CDH18: variants seen among roughly 807,000 people sequenced by gnomAD.
CDH18 encodes cadherin 18.
Under a neutral mutation model 67.9 loss-of-function variants are expected in CDH18, and 31 were observed. The observed-to-expected ratio is 0.46, with a 90% CI of 0.34 to 0.62. CDH18 has a LOEUF of 0.62. CDH18 is among the 20% of genes least tolerant of loss of function. The pLI is 0.01. For synonymous variants in CDH18, 362 were observed against 347.2 expected, an observed-to-expected ratio of 1.04 and a Z score of -0.48; for missense variants, 890 against 975.5, an observed-to-expected ratio of 0.91 and a Z score of 1.17.
intron 6 of CDH18, among the ~76,000 whole-genome samples, chr5:19,596,071 T>C (rs1746117303): frequency 6.6e-6 from 1 of 152,162 alleles, no homozygotes; most frequent in African/African-American, 2.4e-5. Flanking sequence ...TGGTGAAGGG[T>C]AGGCAGTTTT....
chr5:20,352,507 C>T (rs897891727), intron 1 of CDH18, among the ~76,000 whole-genome samples: 17 of 151,192 alleles, frequency 1.1e-4, no homozygotes, highest in African/African-American at 4.1e-4. Flanking sequence ...TGGACAGACA[C>T]GGGTGGCTCA....
intron 2 of CDH18, among the ~76,000 whole-genome samples, chr5:20,198,391 T>C (rs1025003247): frequency 6.6e-6 from 1 of 152,036 alleles, no homozygotes; most frequent in Non-Finnish European, 1.5e-5. Context: ...TTGTTGGGAA[T>C]TGGAGGAAAG....
intron 1 of CDH18, among the ~76,000 whole-genome samples, chr5:20,329,280 T>C (rs1008456945): frequency 6.6e-6 from 1 of 152,200 alleles, no homozygotes; most frequent in Non-Finnish European, 1.5e-5. Context: ...TATTGATCTA[T>C]TTCTTTTGAA....
intron 9 of CDH18, among the ~76,000 whole-genome samples, chr5:19,527,901 ATAT>A (rs909931789): frequency 2.6e-5 from 4 of 151,720 alleles, no homozygotes; most frequent in African/African-American, 9.7e-5. Flanking sequence ...TATATCATTA[ATAT>A]TATTACCTGA....
intron 4 of CDH18, among the ~76,000 whole-genome samples, chr5:19,733,019 G>A (rs190064528): frequency 3.3e-4 from 50 of 152,218 alleles, no homozygotes; most frequent in Non-Finnish European, 6.8e-4. Flanking sequence ...CCTGTCAGCA[G>A]GGAGTAGCTA....
chr5:20,079,247 A>G (rs969187616), intron 2 of CDH18, among the ~76,000 whole-genome samples: 1 of 152,028 alleles, frequency 6.6e-6, no homozygotes, highest in African/African-American at 2.4e-5. Flanking sequence ...CCTGGTAACC[A>G]CCATTCTACT....
chr5:19,710,878 A>G (rs372515730), intron 5 of CDH18, among the ~76,000 whole-genome samples: 6 of 152,236 alleles, frequency 3.9e-5, no homozygotes, highest in East Asian at 1.9e-4. Flanking sequence ...ATAACCAAAC[A>G]GCATAGTACT....
chr5:20,433,010 G>GTA lies in CDH18; in HGVS notation c.-580+142450_-580+142451dup, dbSNP rs567070871. 1.8e-3 allele frequency among the ~76,000 whole-genome samples: 274 copies of GTA among 148,206 alleles called. 2 individuals are homozygous for GTA. The highest frequency in any genetic ancestry group is 0.014 in the East Asian group (72 of 5,110). ...TATGTATACTATTTAGTCATTGTGT[G>GTA]TATATATATATATAAAATACATAAT... is the stretch of plus-strand genomic sequence containing the variant. On this transcript the variant is annotated intron_variant, in intron 1 of 14. Coordinates refer to the CDH18 transcript ENST00000507958.
intron 2 of CDH18, among the ~76,000 whole-genome samples, chr5:19,877,632 A>T (rs2150045143): frequency 6.6e-6 from 1 of 152,302 alleles, no homozygotes; most frequent in East Asian, 1.9e-4. Flanking sequence ...TTGAAAAAAT[A>T]GAACTGGTCC....
At chr5:20,064,998 AT>A (rs1299149328) in intron 2 of CDH18, among the ~76,000 whole-genome samples, 1 of 152,114 alleles carries the variant, frequency 6.6e-6, no homozygotes, top group East Asian at 1.9e-4. Context: ...GGTCTTTGTG[AT>A]TAATTTTCCT....
intron 5 of CDH18, among the ~76,000 whole-genome samples, chr5:19,690,662 C>T (rs10050370): frequency 2.6e-5 from 4 of 151,420 alleles, no homozygotes; most frequent in African/African-American, 9.7e-5. Context: ...TATATGCTAA[C>T]AAAATAGAAA....
intron 1 of CDH18, among the ~76,000 whole-genome samples, chr5:20,295,934 C>T (rs557135270): frequency 7.1e-6 from 1 of 139,896 alleles, no homozygotes; most frequent in African/African-American, 2.7e-5. Context: ...TGCAGTGGCG[C>T]AATCTCGGCT....
At chr5:19,975,719 G>T (rs1798436413) in intron 2 of CDH18, among the ~76,000 whole-genome samples, 3 of 152,152 alleles carry the variant, frequency 2.0e-5, no homozygotes, top group Admixed American at 2.0e-4. Context: ...TTTCCATTTA[G>T]TTAATGTGTT....
At chr5:20,460,992 G>T (rs535200022) in intron 1 of CDH18, among the ~76,000 whole-genome samples, 17 of 152,210 alleles carry the variant, frequency 1.1e-4, no homozygotes, top group Non-Finnish European at 1.9e-4. Flanking sequence ...AAACACTGAG[G>T]AGTCCACGTC....
At chr5:19,838,558 G>T (rs558612275) in intron 3 of CDH18, among the ~76,000 whole-genome samples, 1 of 152,052 alleles carries the variant, frequency 6.6e-6, no homozygotes, top group Non-Finnish European at 1.5e-5. Flanking sequence ...GTTTAGAGAG[G>T]TATAATATGA....
chr5:19,927,686 G>A (rs1244115811), intron 2 of CDH18, among the ~76,000 whole-genome samples: 1 of 151,924 alleles, frequency 6.6e-6, no homozygotes, highest in Non-Finnish European at 1.5e-5. Flanking sequence ...GTAATTTTTT[G>A]GAGATTATGT....
chr5:20,423,789 C>CA (rs963086840), intron 1 of CDH18, among the ~76,000 whole-genome samples: 13 of 148,758 alleles, frequency 8.7e-5, no homozygotes, highest in Middle Eastern at 3.5e-3. Context: ...ACTAAAAATA[C>CA]AAAAAAAATT....
At chr5:19,503,779 A>G (rs1743648343) in intron 10 of CDH18, among the ~76,000 whole-genome samples, 1 of 152,168 alleles carries the variant, frequency 6.6e-6, no homozygotes. Context: ...GTTAGAATTT[A>G]TGGTGGCCCA....
chr5:19,886,183 C>T (rs541480327), intron 2 of CDH18: 1 of 152,112 alleles, frequency 6.6e-6, no homozygotes, highest in Non-Finnish European at 1.5e-5. Flanking sequence ...CAGAATTGGA[C>T]CCTGAATAAA....
Sources: allele counts gnomAD v4.1 joint callset (sites outside exome capture counted in the v4.1 genomes callset), GRCh38; gene constraint gnomAD v4.1.1; transcripts MANE v1.5; gene names NCBI Gene and HGNC (gene_info 2026-07-23, HGNC 2026-07-21).